The following MCTP1 variants were observed in gnomAD, a reference collection of about 807,000 sequenced individuals.
MCTP1 encodes the protein multiple C2 and transmembrane domain containing 1.
MCTP1 carries 69 observed loss-of-function variants against 120.6 expected under a neutral mutation model. The observed-to-expected ratio is 0.57, with a 90% CI of 0.47 to 0.70. MCTP1 has a LOEUF of 0.70. Among genes scored for constraint, MCTP1 ranks in the 30% least tolerant of loss-of-function variants. The pLI is 0.00. For missense variants in MCTP1, 1,203 were observed against 1,248.8 expected (o/e 0.96, Z 0.55); for synonymous variants, 529 against 493.1 (o/e 1.07, Z -0.96).
At chr5:94,848,673 C>G (rs1206194282) in intron 17 of MCTP1, among the ~76,000 whole-genome samples, 1 of 151,852 alleles carries the variant, frequency 6.6e-6, no homozygotes, top group Admixed American at 6.6e-5. Flanking sequence ...GTTTTATTGA[C>G]AAAGGTGGTT....
rs914474293 is a variant in MCTP1, at chr5:94,802,099, G to A, written c.2437-2967C>T. The stretch of plus-strand genomic sequence containing the variant: ...ACAGAAAGAAATTACATTCATTTTA[G>A]GAATTCTGGCAATAGAAAAACCATC... On this transcript the variant is annotated intron_variant, in intron 17 of 22. Transcript: ENST00000515393. Among the ~76,000 whole-genome samples the A allele has an allele frequency of 5.3e-5, 8 of 152,106 alleles. 1 individual carries two copies. The South Asian group carries it at 8.3e-4, about 16-fold the overall frequency.
At chr5:95,227,626 G>A (rs1013924130) in intron 1 of MCTP1, among the ~76,000 whole-genome samples, 2 of 152,178 alleles carry the variant, frequency 1.3e-5, no homozygotes, top group African/African-American at 4.8e-5. Context: ...CAGGGCACAT[G>A]TACAATTGTC....
intron 10 of MCTP1, among the ~76,000 whole-genome samples, chr5:94,908,542 TAAC>T (rs1807566874): frequency 6.6e-6 from 1 of 151,994 alleles, no homozygotes; most frequent in African/African-American, 2.4e-5. Flanking sequence ...TTTAAAAAAT[TAAC>T]AAATTCTTCA....
At chr5:95,196,630 A>C (rs186947281) in intron 1 of MCTP1, among the ~76,000 whole-genome samples, 1 of 152,234 alleles carries the variant, frequency 6.6e-6, no homozygotes, top group Non-Finnish European at 1.5e-5. Flanking sequence ...GTATATGCAG[A>C]CTAGCAACTA....
At chr5:94,818,446 G>A (rs141683628) in intron 17 of MCTP1, among the ~76,000 whole-genome samples, 1 of 152,284 alleles carries the variant, frequency 6.6e-6, no homozygotes, top group East Asian at 1.9e-4. Flanking sequence ...CAGGTGATCA[G>A]CTAATTTAAA....
intron 18 of MCTP1, among the ~76,000 whole-genome samples, chr5:94,798,413 G>A (rs1780514943): frequency 6.6e-6 from 1 of 152,106 alleles, no homozygotes; most frequent in South Asian, 2.1e-4. Flanking sequence ...TTTCAAAAAT[G>A]CCAGAGGACA....
At chr5:95,002,715 T>C (rs1313092779) in intron 2 of MCTP1, among the ~76,000 whole-genome samples, 1 of 152,244 alleles carries the variant, frequency 6.6e-6, no homozygotes, top group Non-Finnish European at 1.5e-5. Flanking sequence ...TACAGGCTCA[T>C]AGGCAGAAGG....
At chr5:95,129,302 G>C (rs114100455) in intron 1 of MCTP1, among the ~76,000 whole-genome samples, 1 of 152,140 alleles carries the variant, frequency 6.6e-6, no homozygotes, top group Non-Finnish European at 1.5e-5. Context: ...TCAAGTGCAC[G>C]GGATAAATGT....
At chr5:94,890,499 G>T (rs1802338697) in intron 11 of MCTP1, among the ~76,000 whole-genome samples, 1 of 152,012 alleles carries the variant, frequency 6.6e-6, no homozygotes, top group Non-Finnish European at 1.5e-5. Context: ...GACTACTGTA[G>T]TTCTACATAA....
At chr5:95,041,526 G>A (rs775009278) in intron 1 of MCTP1, among the ~76,000 whole-genome samples, 16 of 152,042 alleles carry the variant, frequency 1.1e-4, no homozygotes, top group Non-Finnish European at 1.9e-4. Flanking sequence ...CCTTTCTCAT[G>A]AGAAAGATAC....
At chr5:95,229,609 C>T (rs562867328) in intron 1 of MCTP1, among the ~76,000 whole-genome samples, 1 of 151,950 alleles carries the variant, frequency 6.6e-6, no homozygotes, top group African/African-American at 2.4e-5. Flanking sequence ...GGTGTGGTGG[C>T]GGGCGCCTGT....
intron 1 of MCTP1, among the ~76,000 whole-genome samples, chr5:95,209,442 A>C (rs1297099642): frequency 6.6e-6 from 1 of 152,130 alleles, no homozygotes; most frequent in Non-Finnish European, 1.5e-5. Context: ...TACTGTTAGC[A>C]GAGTTATTGC....
chr5:95,264,002 C>A lies in MCTP1; in HGVS notation c.720+19854G>T, dbSNP rs111973666. ...ATCCCCTTAAAAAACCATCTTCTTG[C>A]AAAGTGTGATGACAGGGACAGTAAA... On this transcript the variant is annotated intron_variant, in intron 1 of 22. Transcript: ENST00000515393. Among the ~76,000 whole-genome samples, 582 of 152,278 alleles carry A rather than the reference C, an allele frequency of 3.8e-3. 4 individuals carry two copies. The highest frequency in any genetic ancestry group is 0.012 in the African/African-American group (506 of 41,538).
At chr5:95,199,322 A>C (rs1417219479) in intron 1 of MCTP1, among the ~76,000 whole-genome samples, 1 of 152,222 alleles carries the variant, frequency 6.6e-6, no homozygotes, top group African/African-American at 2.4e-5. Context: ...TAGATTAAAC[A>C]ACATCCCCAG....
intron 17 of MCTP1, among the ~76,000 whole-genome samples, chr5:94,800,336 G>A (rs113956944): frequency 5.9e-5 from 9 of 152,274 alleles, no homozygotes; most frequent in African/African-American, 1.9e-4. Context: ...GAACCATAGC[G>A]TAACTGGGAG....
chr5:95,043,677 A>G (rs1158451175), intron 1 of MCTP1, among the ~76,000 whole-genome samples: 3 of 152,178 alleles, frequency 2.0e-5, no homozygotes, highest in African/African-American at 7.2e-5. Flanking sequence ...CTTAATTACT[A>G]GTGAGACTGT....
Position 95,086,099 on chromosome 5 carries a change from T to C in MCTP1, c.721-68615A>G, listed in dbSNP as rs72779429. Among the ~76,000 whole-genome samples, 6 of 152,226 alleles carry C rather than the reference T, an allele frequency of 3.9e-5. No individual in the cohort carries two copies. The South Asian group carries it at 1.2e-3, about 32-fold the overall frequency. On this transcript the variant is annotated intron_variant, in intron 1 of 22. Transcript: ENST00000515393. Reference sequence around the variant, plus strand: ...ATTTTTTTCTGTTATTTACCTGTAATTGAGTCAAAAATATAAAAATTAAAT... The same window carrying C: ...ATTTTTTTCTGTTATTTACCTGTAACTGAGTCAAAAATATAAAAATTAAAT...
intron 5 of MCTP1, among the ~76,000 whole-genome samples, chr5:94,933,455 T>A (rs1426332066): frequency 6.6e-6 from 1 of 151,722 alleles, no homozygotes; most frequent in Non-Finnish European, 1.5e-5. Context: ...ACCAAATATT[T>A]AAGTGGTATA....
intron 12 of MCTP1, among the ~76,000 whole-genome samples, chr5:94,881,408 T>C (rs991585997): frequency 7.9e-5 from 12 of 152,166 alleles, no homozygotes; most frequent in Non-Finnish European, 1.3e-4. Context: ...AGAAGGAAGT[T>C]TGCTCTTTGG....
Sources: gnomAD v4.1 joint callset for allele counts (sites outside exome capture counted in the v4.1 genomes callset) on GRCh38, gnomAD v4.1.1 for gene constraint, MANE v1.5 for transcripts, NCBI Gene and HGNC (gene_info 2026-07-23, HGNC 2026-07-21) for gene names.